The following SPAG16 variants were observed in gnomAD, a reference collection of about 807,000 sequenced individuals.
SPAG16 encodes the protein sperm associated antigen 16.
A neutral mutation model predicts 80.4 loss-of-function variants in SPAG16; 86 were observed. The ratio of observed to expected loss-of-function variants is 1.07; its 90% CI spans 0.90 to 1.28. SPAG16 has a LOEUF of 1.28. Among genes scored for constraint, SPAG16 ranks in the 50% most tolerant of loss-of-function variants. SPAG16 has a pLI of 0.00. For missense variants in SPAG16, 870 were observed against 765.3 expected (o/e 1.14, Z -1.61); for synonymous variants, 294 against 265.9 (o/e 1.11, Z -1.03).
At chr2:214,275,957 C>T (rs1236500953) in intron 15 of SPAG16, among the ~76,000 whole-genome samples, 2 of 152,118 alleles carry the variant, frequency 1.3e-5, no homozygotes, top group Non-Finnish European at 2.9e-5. Flanking sequence ...TAAGGACTTG[C>T]TTTATGCATC....
At chr2:213,418,851 C>T (rs1360973417) in intron 9 of SPAG16, among the ~76,000 whole-genome samples, 1 of 152,150 alleles carries the variant, frequency 6.6e-6, no homozygotes, top group Non-Finnish European at 1.5e-5. Context: ...CTGATCATTG[C>T]TCTGGGTCTT....
intron 15 of SPAG16, among the ~76,000 whole-genome samples, chr2:214,396,548 G>A (rs1701393239): frequency 6.6e-6 from 1 of 151,974 alleles, no homozygotes; most frequent in South Asian, 2.1e-4. Flanking sequence ...AGCCCCATTT[G>A]TCCACTACCC....
At chr2:214,102,516 C>T (rs2053121624) in intron 13 of SPAG16, among the ~76,000 whole-genome samples, 1 of 152,012 alleles carries the variant, frequency 6.6e-6, no homozygotes, top group Non-Finnish European at 1.5e-5. Context: ...CAGGTTCCTT[C>T]CAGTTTATGC....
chr2:214,189,081 T>C lies in SPAG16; in HGVS notation c.1720+39815T>C, dbSNP rs369511287. On this transcript the variant is annotated intron_variant, in intron 15 of 15. Coordinates refer to ENST00000331683, the MANE Select transcript of SPAG16 (RefSeq NM_024532.5). ...CTTTCAGAACTAACAAATCCATTTG[T>C]ATAAGTATGTTGTATTGCATAGATT... Among the ~76,000 whole-genome samples, 8 of 152,260 alleles carry C rather than the reference T, an allele frequency of 5.3e-5. No homozygotes were observed. In the South Asian group the frequency reaches 1.7e-3, roughly 32 times the overall value.
chr2:213,889,938 T>C (rs2076724152), intron 11 of SPAG16, among the ~76,000 whole-genome samples: 1 of 151,942 alleles, frequency 6.6e-6, no homozygotes, highest in Non-Finnish European at 1.5e-5. Context: ...TTCTACATTA[T>C]TATTTGAAGA....
At chr2:214,059,297 A>G (rs1315938616) in intron 13 of SPAG16, among the ~76,000 whole-genome samples, 1 of 146,694 alleles carries the variant, frequency 6.8e-6, no homozygotes, top group African/African-American at 2.5e-5. Context: ...TTTGTAAAAA[A>G]TTTCATCCTC....
At chr2:214,290,264 G>A (rs1693696659) in intron 15 of SPAG16, among the ~76,000 whole-genome samples, 2 of 151,950 alleles carry the variant, frequency 1.3e-5, no homozygotes, top group Non-Finnish European at 2.9e-5. Context: ...CAATTGCAAT[G>A]TTTCCTTTTC....
chr2:213,658,776 C>T (rs1359962780), intron 10 of SPAG16, among the ~76,000 whole-genome samples: 10 of 152,186 alleles, frequency 6.6e-5, no homozygotes, highest in Non-Finnish European at 1.5e-4. Context: ...CTGTGGCTCA[C>T]GCTTGTAATT....
intron 13 of SPAG16, among the ~76,000 whole-genome samples, chr2:214,024,790 GT>G (rs768824234): frequency 1.3e-5 from 2 of 151,458 alleles, no homozygotes; most frequent in Non-Finnish European, 3.0e-5. Flanking sequence ...GAAAAACTAT[GT>G]TTTTTTGACT....
At chr2:213,805,115 A>T (rs1432305123) in intron 10 of SPAG16, among the ~76,000 whole-genome samples, 1 of 152,210 alleles carries the variant, frequency 6.6e-6, no homozygotes, top group Non-Finnish European at 1.5e-5. Flanking sequence ...AGAGCTAATA[A>T]GTAATGGAGT....
intron 10 of SPAG16, among the ~76,000 whole-genome samples, chr2:213,783,188 G>A (rs1020090902): frequency 7.3e-5 from 11 of 150,816 alleles, no homozygotes; most frequent in South Asian, 4.2e-4. Context: ...GAGAATGATG[G>A]TTTCCAATTT....
At chr2:213,652,068 A>G (rs1347511215) in intron 10 of SPAG16, among the ~76,000 whole-genome samples, 9 of 152,252 alleles carry the variant, frequency 5.9e-5, no homozygotes, top group Admixed American at 2.0e-4. Context: ...CTCATATTTT[A>G]TAGTAATTAA....
chr2:213,590,716 T>C (rs2060657376), intron 10 of SPAG16, among the ~76,000 whole-genome samples: 1 of 152,198 alleles, frequency 6.6e-6, no homozygotes, highest in Non-Finnish European at 1.5e-5. Flanking sequence ...TGCAAATTAG[T>C]TCAGCCCCTG....
chr2:214,226,320 A>C (rs1476308238), intron 15 of SPAG16, among the ~76,000 whole-genome samples: 1 of 152,094 alleles, frequency 6.6e-6, no homozygotes, highest in African/African-American at 2.4e-5. Context: ...TACTTTTTCA[A>C]ACCTCTGCTT....
intron 10 of SPAG16, among the ~76,000 whole-genome samples, chr2:213,674,631 A>AGTGTTTGGTTTTTTGTCCTTGT (rs1359143709): frequency 6.8e-6 from 1 of 146,152 alleles, no homozygotes; most frequent in Non-Finnish European, 1.5e-5. Context: ...GAGAATATGC[A>AGTGTTTGGTTTTTTGTCCTTGT]GTGTTTGGTT....
At chr2:214,386,796 C>T (rs967571108) in intron 15 of SPAG16, among the ~76,000 whole-genome samples, 2 of 149,900 alleles carry the variant, frequency 1.3e-5, no homozygotes, top group African/African-American at 4.9e-5. Context: ...CCCAGGAGGC[C>T]GAGGCTGCAG....
At chr2:213,916,698 A>G (rs146292198) in intron 11 of SPAG16, among the ~76,000 whole-genome samples, 20 of 152,214 alleles carry the variant, frequency 1.3e-4, no homozygotes, top group South Asian at 8.3e-4. Flanking sequence ...TCACAATTCA[A>G]TGTGAGATTT....
At chr2:213,300,882 T>C (rs1447227959) in intron 3 of SPAG16, among the ~76,000 whole-genome samples, 1 of 152,084 alleles carries the variant, frequency 6.6e-6, no homozygotes, top group African/African-American at 2.4e-5. Flanking sequence ...AGAATTCTAT[T>C]CTCAGAAATT....
intron 10 of SPAG16, among the ~76,000 whole-genome samples, chr2:213,794,822 T>G (rs184550445): frequency 6.6e-6 from 1 of 152,136 alleles, no homozygotes; most frequent in African/African-American, 2.4e-5. Context: ...AAGATGGCAG[T>G]TGATAAGAGA....
Sources: gnomAD v4.1 joint callset for allele counts (sites outside exome capture counted in the v4.1 genomes callset) on GRCh38, gnomAD v4.1.1 for gene constraint, MANE v1.5 for transcripts, NCBI Gene and HGNC (gene_info 2026-07-23, HGNC 2026-07-21) for gene names.